MSR1: variants seen among roughly 807,000 people sequenced by gnomAD.
MSR1 encodes macrophage scavenger receptor types I and II.
MSR1 carries 53 observed loss-of-function variants against 47.2 expected under a neutral mutation model. The ratio of observed to expected loss-of-function variants is 1.12; its 90% CI spans 0.90 to 1.41. The LOEUF (loss-of-function observed/expected upper bound fraction) is 1.41, where lower values mean the gene tolerates loss of function less well. Among genes scored for constraint, MSR1 ranks in the 40% most tolerant of loss-of-function variants. MSR1 has a pLI of 0.00. For missense variants in MSR1, 786 were observed against 546.9 expected (o/e 1.44, Z -4.36); for synonymous variants, 239 against 185.6 (o/e 1.29, Z -2.34).
intron 4 of MSR1, among the ~76,000 whole-genome samples, chr8:16,168,003 A>G (rs767729515): frequency 5.9e-5 from 9 of 152,162 alleles, no homozygotes; most frequent in Non-Finnish European, 1.3e-4. Context: ...CTGTAATACC[A>G]TTGTCTTCTG....
intron 4 of MSR1, 112 bp downstream of exon 4, chr8:16,168,346 A>C (rs1277475567): frequency 1.9e-6 from 2 of 1,037,350 alleles, no homozygotes. Flanking sequence ...AATCAGGGTA[A>C]ACAGGATGAT....
At chr8:16,135,066 G>C (rs1345948113) in intron 8 of MSR1, among the ~76,000 whole-genome samples, 1 of 152,162 alleles carries the variant, frequency 6.6e-6, no homozygotes, top group African/African-American at 2.4e-5. Context: ...TTTAGCAAGT[G>C]TGGATATAGA....
chr8:16,155,817 T>A (rs1057241109), intron 5 of MSR1, among the ~76,000 whole-genome samples: 1 of 151,864 alleles, frequency 6.6e-6, no homozygotes, highest in Non-Finnish European at 1.5e-5. Flanking sequence ...AATTCTTTTT[T>A]CAAGTAAAAT....
At chr8:16,136,252 A>T (rs556777854) in intron 8 of MSR1, among the ~76,000 whole-genome samples, 1 of 152,276 alleles carries the variant, frequency 6.6e-6, no homozygotes, top group African/African-American at 2.4e-5. Flanking sequence ...TGTCTTAAGA[A>T]ATTGCCACAG....
rs1395086051 is a variant in MSR1, at chr8:16,177,875, C to T, written c.103+11G>A. ...ACAACCTCCATGGGCAGCCCATCCC[C>T]CTCTACTTACTCGGAGGAAGCAAAG... On this transcript the variant is annotated intron_variant, in intron 2 of 9. Coordinates refer to ENST00000262101, the MANE Select transcript of MSR1 (RefSeq NM_138715.3). 1 of 1,611,302 alleles carries T rather than the reference C, an allele frequency of 6.2e-7. No homozygotes were observed. Among genetic ancestry groups the T allele is most frequent in the African/African-American group, 1.3e-5 (1 of 74,948 alleles).
In MSR1 at chr8:16,191,357, G is replaced by C. The variant is rs190685320; in HGVS notation, c.-5+1241C>G. ...GACATCATTTAGCTGTGTGATCTTA[G>C]GCAAATATTTTAACTTATTTGAATT... On this transcript the variant is annotated intron_variant, in intron 1 of 9. Coordinates refer to ENST00000262101, the MANE Select transcript of MSR1 (RefSeq NM_138715.3). 1.4e-3 allele frequency among the ~76,000 whole-genome samples: 207 copies of C among 152,086 alleles called. 1 individual carries two copies. Among genetic ancestry groups the C allele is most frequent in the Admixed American group, 6.2e-3 (95 of 15,270 alleles).
rs1009779160 is a variant in MSR1 at position 16,109,655 on chromosome 8, G to T, written c.*430C>A. ...GAGATTTTGCAATCTAGGCACAAAA[G>T]ATATCTTCTGATCCCTTCCGTTATT... On this transcript the variant is annotated 3_prime_UTR_variant, in exon 10 of 10. Transcript: ENST00000262101. The T allele has an allele frequency of 1.7e-5, 3 of 180,748 alleles. No individual in the cohort carries two copies. Among genetic ancestry groups the T allele is most frequent in the Non-Finnish European group, 3.5e-5 (3 of 84,634 alleles). 11.2% of individuals were successfully genotyped at this position (180,748 alleles called of 1,614,324 possible).
rs414580 is a variant in MSR1, at chr8:16,177,793, T to C, written c.103+93A>G. 1,577 of 971,282 alleles carry C rather than the reference T, an allele frequency of 1.6e-3. 19 individuals carry two copies. In the South Asian group the frequency reaches 0.021, roughly 13 times the overall value. 60.2% of individuals were successfully genotyped at this position (971,282 alleles called of 1,614,324 possible). A position where few individuals can be genotyped will look rare whatever the true frequency, so the allele number is the denominator to read the frequency against. ...AAATAAGTATTATTTTAACATCCAC[T>C]TACATTTAAGGTAAGTCTCAAGACT... On this transcript the variant is annotated intron_variant, in intron 2 of 9. Coordinates refer to ENST00000262101, the MANE Select transcript of MSR1 (RefSeq NM_138715.3).
intron 4 of MSR1, among the ~76,000 whole-genome samples, chr8:16,168,041 G>T (rs976883404): frequency 1.3e-5 from 2 of 151,806 alleles, no homozygotes; most frequent in African/African-American, 2.4e-5. Context: ...CCATGTATAA[G>T]TTCAAAAGTT....
intron 1 of MSR1, among the ~76,000 whole-genome samples, chr8:16,183,620 A>T (rs561187940): frequency 0.021 from 1,870 of 90,336 alleles, 46 homozygotes; most frequent in African/African-American, 0.088. Flanking sequence ...CAAATATATA[A>T]TATATATAAT....
At chr8:16,155,856 A>G (rs1042152388) in intron 5 of MSR1, among the ~76,000 whole-genome samples, 1 of 151,932 alleles carries the variant, frequency 6.6e-6, no homozygotes, top group Non-Finnish European at 1.5e-5. Context: ...GTTGCTATAA[A>G]TACTGTAAAC....
intron 3 of MSR1, among the ~76,000 whole-genome samples, chr8:16,173,349 C>T (rs351567): frequency 0.017 from 2,592 of 152,250 alleles, 80 homozygotes; most frequent in African/African-American, 0.059. Context: ...CAGTGATTTG[C>T]ATAAAGGTGA....
chr8:16,168,070 TA>T (rs202005370), intron 4 of MSR1, among the ~76,000 whole-genome samples: 7,356 of 146,816 alleles, frequency 0.05, 516 homozygotes, highest in African/African-American at 0.15. Context: ...AACTTACAAA[TA>T]AAAAAAAAAA....
At chr8:16,123,037 G>T (rs1253980879) in intron 8 of MSR1, among the ~76,000 whole-genome samples, 1 of 151,668 alleles carries the variant, frequency 6.6e-6, no homozygotes, top group African/African-American at 2.4e-5. Flanking sequence ...AGTACAGACG[G>T]GGTTTCACCG....
In MSR1 at chr8:16,164,223, T is replaced by C; in HGVS notation, c.659A>G (p.Tyr220Cys). 6.2e-7 allele frequency: 1 copy of C among 1,612,130 alleles called. No individual in the cohort carries two copies. The highest frequency in any genetic ancestry group is 8.5e-7 in the Non-Finnish European group (1 of 1,178,960). Residue 220 changes from tyrosine (Y) to cysteine (C), a missense_variant, in exon 5 of 10, where the codon TAC (tyrosine) becomes TGC (cysteine). By Grantham distance (194) the Tyr-to-Cys change is radical. Transcript: ENST00000262101. ...EEISKLEERVYNVSAEIMAMK... is the reference protein window; with the variant it reads ...EEISKLEERVCNVSAEIMAMK... ...AGCCATAATTTCTGCTGATACATTG[T>C]AAACACGCTCCTCTAATTTACTGAT... is the stretch of plus-strand genomic sequence containing the variant.
At chr8:16,133,817 G>A (rs563914734) in intron 8 of MSR1, among the ~76,000 whole-genome samples, 1 of 152,108 alleles carries the variant, frequency 6.6e-6, no homozygotes, top group African/African-American at 2.4e-5. Context: ...TGAAAGCTCT[G>A]CTGTTGTCTG....
At chr8:16,155,043 A>C (rs368010747) in intron 6 of MSR1, 21 bp downstream of exon 6, 6 of 1,587,806 alleles carry the variant, frequency 3.8e-6, no homozygotes, top group African/African-American at 1.3e-5. Flanking sequence ...GTATATGATT[A>C]AATAGCTAAA....
In MSR1 at chr8:16,192,153, T is replaced by A. The variant is rs986077854; in HGVS notation, c.-5+445A>T. On this transcript the variant is annotated intron_variant, in intron 1 of 9. Coordinates refer to ENST00000262101, the MANE Select transcript of MSR1 (RefSeq NM_138715.3). ...CATATAGTAGATACCCAGCCAATAT[T>A]TGCTATATAATCAAGGGAAGATAAT... Among the ~76,000 whole-genome samples, 3 of 152,136 alleles carry A rather than the reference T, an allele frequency of 2.0e-5. No individual in the cohort carries two copies. The South Asian group carries it at 6.2e-4, about 32-fold the overall frequency.
chr8:16,189,418 A>T (rs1369655584), intron 1 of MSR1, among the ~76,000 whole-genome samples: 1 of 102,210 alleles, frequency 9.8e-6, no homozygotes, highest in African/African-American at 4.7e-5. Flanking sequence ...TATATATTTT[A>T]TATATATAAA....
Sources: gnomAD v4.1 joint callset for allele counts (sites outside exome capture counted in the v4.1 genomes callset) on GRCh38, gnomAD v4.1.1 for gene constraint, MANE v1.5 for transcripts, NCBI Gene and HGNC (gene_info 2026-07-23, HGNC 2026-07-21) for gene names.